The following SLC44A5 variants were observed in gnomAD, a reference collection of about 807,000 sequenced individuals.
The protein encoded by SLC44A5 is choline transporter-like protein 5.
SLC44A5 carries 57 observed loss-of-function variants against 101.8 expected under a neutral mutation model. The observed-to-expected ratio is 0.56, with a 90% CI of 0.45 to 0.70. The LOEUF is 0.70. Among genes scored for constraint, SLC44A5 ranks in the 30% least tolerant of loss-of-function variants. The pLI, the probability that SLC44A5 is intolerant of heterozygous loss-of-function variation, is 0.00. For missense variants in SLC44A5, 737 were observed against 853.1 expected (o/e 0.86, Z 1.70); for synonymous variants, 281 against 290.9 (o/e 0.97, Z 0.35).
intron 2 of SLC44A5, among the ~76,000 whole-genome samples, chr1:75,515,788 G>A (rs1669796081): frequency 6.6e-6 from 1 of 152,140 alleles, no homozygotes; most frequent in Admixed American, 6.5e-5. Flanking sequence ...AGATAGGATT[G>A]CTGGATCATA....
the SLC44A5 span, among the ~76,000 whole-genome samples, chr1:75,688,773 A>G: frequency 1.3e-5 from 2 of 152,212 alleles, no homozygotes; most frequent in African/African-American, 4.8e-5. Context: ...ACCAGAAGCC[A>G]GGCAAGGACT....
the SLC44A5 span, among the ~76,000 whole-genome samples, chr1:75,686,197 A>G: frequency 2.0e-5 from 3 of 152,188 alleles, no homozygotes; most frequent in African/African-American, 7.2e-5. Context: ...CAGCCAAACC[A>G]TATCAGAGGT....
the SLC44A5 span, among the ~76,000 whole-genome samples, chr1:75,685,488 A>G: frequency 6.6e-6 from 1 of 152,206 alleles, no homozygotes; most frequent in Non-Finnish European, 1.5e-5. Context: ...GTGAATACAT[A>G]AAACTGAATG....
At chr1:75,447,807 G>A (rs1665675332) in intron 2 of SLC44A5, among the ~76,000 whole-genome samples, 1 of 151,828 alleles carries the variant, frequency 6.6e-6, no homozygotes, top group Non-Finnish European at 1.5e-5. Context: ...CATAGTTATA[G>A]AAACAAATAT....
chr1:75,376,787 A>C (rs1359414946), intron 3 of SLC44A5, among the ~76,000 whole-genome samples: 1 of 152,250 alleles, frequency 6.6e-6, no homozygotes, highest in Non-Finnish European at 1.5e-5. Flanking sequence ...CCTCCAAAGG[A>C]ACGCAGTTCC....
At chr1:75,600,513 T>C (rs1025910119) in intron 1 of SLC44A5, among the ~76,000 whole-genome samples, 4 of 152,166 alleles carry the variant, frequency 2.6e-5, no homozygotes, top group Admixed American at 2.6e-4. Flanking sequence ...AAATATTTAT[T>C]TATTTATTTA....
At chr1:75,497,755 T>C (rs1180618821) in intron 2 of SLC44A5, among the ~76,000 whole-genome samples, 5 of 152,114 alleles carry the variant, frequency 3.3e-5, no homozygotes, top group African/African-American at 1.2e-4. Flanking sequence ...TTGTGTACCT[T>C]AAATATATAC....
chr1:75,362,226 G>GT (rs1263698162), intron 3 of SLC44A5, among the ~76,000 whole-genome samples: 3 of 150,230 alleles, frequency 2.0e-5, no homozygotes, highest in Non-Finnish European at 4.5e-5. Context: ...TTGTTGACTT[G>GT]TTTTTTTAAA....
At chr1:75,464,615 G>A (rs1248685381) in intron 2 of SLC44A5, among the ~76,000 whole-genome samples, 1 of 151,668 alleles carries the variant, frequency 6.6e-6, no homozygotes, top group Non-Finnish European at 1.5e-5. Context: ...CTGAATGGAT[G>A]GGAAAAAAAA....
intron 2 of SLC44A5, among the ~76,000 whole-genome samples, chr1:75,464,774 T>C (rs1449340112): frequency 6.6e-6 from 1 of 152,146 alleles, no homozygotes; most frequent in East Asian, 1.9e-4. Flanking sequence ...AAAAACTATA[T>C]GAAGAGACAA....
At chr1:75,578,432 A>T (rs925075548) in intron 1 of SLC44A5, among the ~76,000 whole-genome samples, 9 of 152,092 alleles carry the variant, frequency 5.9e-5, no homozygotes, top group Non-Finnish European at 1.5e-5. Context: ...GATGATTGAT[A>T]GATAGATAGA....
At chr1:75,658,284 C>T in the SLC44A5 span, among the ~76,000 whole-genome samples, 328 of 152,036 alleles carry the variant, frequency 2.2e-3, 2 homozygotes, top group African/African-American at 7.3e-3. Context: ...CCATGTTGCC[C>T]GAGCTGGTCT....
intron 6 of SLC44A5, among the ~76,000 whole-genome samples, chr1:75,262,462 A>G (rs1320844178): frequency 6.6e-6 from 1 of 152,138 alleles, no homozygotes; most frequent in Non-Finnish European, 1.5e-5. Flanking sequence ...ACTACAAACC[A>G]CTGTTCAAGG....
chr1:75,220,080 C>T (rs1264302323), intron 14 of SLC44A5, among the ~76,000 whole-genome samples, 188 bp from the exon 15 acceptor site: 2 of 152,036 alleles, frequency 1.3e-5, no homozygotes, highest in South Asian at 2.1e-4. Flanking sequence ...GGCATTTTTC[C>T]GATGCACATG....
chr1:75,546,191 A>ATTTTT, intron 1 of SLC44A5, among the ~76,000 whole-genome samples: 2 of 10,216 alleles, frequency 2.0e-4, no homozygotes, highest in Non-Finnish European at 3.5e-4. Context: ...CAAATTCAAA[A>ATTTTT]TTTTTTTTTT....
At chr1:75,458,151 A>G (rs1236425548) in intron 2 of SLC44A5, among the ~76,000 whole-genome samples, 1 of 152,230 alleles carries the variant, frequency 6.6e-6, no homozygotes, top group Non-Finnish European at 1.5e-5. Context: ...TGAGAACAAG[A>G]TAACCAGAGG....
At chr1:75,546,116 C>T (rs1299018711) in intron 1 of SLC44A5, among the ~76,000 whole-genome samples, 6 of 152,028 alleles carry the variant, frequency 3.9e-5, no homozygotes, top group Non-Finnish European at 8.8e-5. Context: ...GCCAAGGTGC[C>T]CAGCCCATTC....
At chr1:75,611,696 A>G (rs1011646936), upstream of SLC44A5, among the ~76,000 whole-genome samples, 1 of 152,192 alleles carries the variant, frequency 6.6e-6, no homozygotes, top group Non-Finnish European at 1.5e-5. Flanking sequence ...AAAAGCATAA[A>G]AGTACCCTGG....
At chr1:75,392,950 T>C (rs181630891) in intron 3 of SLC44A5, among the ~76,000 whole-genome samples, 282 of 152,184 alleles carry the variant, frequency 1.9e-3, no homozygotes, top group African/African-American at 6.1e-3. Flanking sequence ...GAGCTAAACA[T>C]TGGGTACATA....
Sources: gnomAD v4.1 joint callset for allele counts (sites outside exome capture counted in the v4.1 genomes callset) on GRCh38, gnomAD v4.1.1 for gene constraint, MANE v1.5 for transcripts, NCBI Gene and HGNC (gene_info 2026-07-23, HGNC 2026-07-21) for gene names.